PCDHA1: variants seen among roughly 807,000 people sequenced by gnomAD.
PCDHA1 encodes the protein protocadherin alpha-1.
Under a neutral mutation model 61.3 loss-of-function variants are expected in PCDHA1, and 42 were observed. The observed-to-expected ratio is 0.69, with a 90% CI of 0.54 to 0.89. The LOEUF (loss-of-function observed/expected upper bound fraction) is 0.89. Ranked by LOEUF, PCDHA1 falls within the 40% of genes least tolerant of loss-of-function variation. The pLI is 0.00. For missense variants in PCDHA1, 1,256 were observed against 1,235.3 expected (o/e 1.02, Z -0.25); for synonymous variants, 610 against 553.8 (o/e 1.10, Z -1.43).
chr5:140,870,722 G>A (rs1554164638), intron 1 of PCDHA1: 2 of 1,613,222 alleles, frequency 1.2e-6, no homozygotes, highest in East Asian at 2.2e-5. Context: ...CGCGATGCGG[G>A]CGTGCCGCCT....
intron 1 of PCDHA1, chr5:140,870,813 C>T (rs568167153): frequency 1.2e-6 from 2 of 1,613,702 alleles, no homozygotes; most frequent in South Asian, 1.1e-5. Flanking sequence ...CTCAGGCTGG[C>T]AGCGCGGGAG....
intron 1 of PCDHA1, chr5:140,835,610 G>A (rs2150239462): frequency 1.9e-6 from 3 of 1,613,948 alleles, no homozygotes; most frequent in Non-Finnish European, 2.5e-6. Context: ...CATTGGTGCT[G>A]GACAGCGCTC....
chr5:140,916,956 C>T (rs1554197714), intron 1 of PCDHA1, among the ~76,000 whole-genome samples: 1 of 152,220 alleles, frequency 6.6e-6, no homozygotes, highest in Non-Finnish European at 1.5e-5. Flanking sequence ...TTGCTGAGTT[C>T]TGACTGCTGG....
At chr5:140,795,048 C>G in intron 1 of PCDHA1, 5 of 1,613,822 alleles carry the variant, frequency 3.1e-6, no homozygotes, top group Non-Finnish European at 4.2e-6. Context: ...AGGTGGGGAG[C>G]GGCCAGCTCC....
chr5:141,006,206 A>AT (rs1178693799), intron 3 of PCDHA1, among the ~76,000 whole-genome samples: 16 of 147,954 alleles, frequency 1.1e-4, no homozygotes, highest in East Asian at 5.9e-4. Context: ...GTTATGCCTC[A>AT]TTTTTTTTTA....
intron 1 of PCDHA1, among the ~76,000 whole-genome samples, chr5:140,911,719 G>C (rs1184939092): frequency 6.6e-6 from 1 of 151,412 alleles, no homozygotes; most frequent in African/African-American, 2.5e-5. Context: ...GTGTAACTCT[G>C]TAAACAGTTC....
intron 1 of PCDHA1, chr5:140,834,400 G>A: frequency 1.2e-6 from 2 of 1,605,520 alleles, no homozygotes; most frequent in Non-Finnish European, 8.5e-7. Flanking sequence ...TGCCCGAATG[G>A]ATACGACCCA....
At chr5:140,857,293 G>A (rs1554149807) in intron 1 of PCDHA1, 1 of 1,598,774 alleles carries the variant, frequency 6.3e-7, no homozygotes, top group Admixed American at 1.7e-5. Flanking sequence ...TGGACCGCGA[G>A]AGGGTGTCGG....
At chr5:140,967,789 T>A (rs782032459) in intron 1 of PCDHA1, 2 of 1,614,076 alleles carry the variant, frequency 1.2e-6, no homozygotes, top group Non-Finnish European at 1.7e-6. Context: ...CTGACCGGGG[T>A]CCAGTGCCCA....
chr5:140,836,238 A>C (rs1774313279), intron 1 of PCDHA1: 1 of 1,613,700 alleles, frequency 6.2e-7, no homozygotes, highest in Admixed American at 1.7e-5. Context: ...GGCCGGTGCG[A>C]GCATCCCGTT....
intron 1 of PCDHA1, chr5:140,823,539 C>A (rs2150126772): frequency 2.5e-6 from 4 of 1,613,710 alleles, no homozygotes; most frequent in African/African-American, 2.7e-5. Flanking sequence ...GTGCGGGCCA[C>A]GTGGTGGCGA....
At chr5:140,792,795 G>T (rs946380168) in intron 1 of PCDHA1, among the ~76,000 whole-genome samples, 6 of 152,054 alleles carry the variant, frequency 3.9e-5, no homozygotes, top group African/African-American at 7.2e-5. Flanking sequence ...ATAATTACTG[G>T]GTATCATACA....
In PCDHA1 at chr5:140,807,584, T is replaced by A. The variant is rs76522243; in HGVS notation, c.2394+18900T>A. On this transcript the variant is annotated intron_variant, in intron 1 of 3. Transcript: ENST00000504120. ...GGACATTAACGATAACCCGCCGGTGTTCCCAGCAACACAAAAGAACCTGTC... is the reference window on the plus strand; with the variant it reads ...GGACATTAACGATAACCCGCCGGTGATCCCAGCAACACAAAAGAACCTGTC... 283 of 1,614,132 alleles carry A rather than the reference T, an allele frequency of 1.8e-4. No individual in the cohort carries two copies. The African/African-American group carries it at 2.4e-3, about 14-fold the overall frequency.
intron 1 of PCDHA1, among the ~76,000 whole-genome samples, chr5:140,893,927 T>C (rs1251170255): frequency 1.3e-5 from 2 of 152,212 alleles, no homozygotes; most frequent in Non-Finnish European, 2.9e-5. Flanking sequence ...TTTCAGAATC[T>C]CTACCTGTTA....
At chr5:140,962,676 G>C (rs1201696145) in intron 1 of PCDHA1, among the ~76,000 whole-genome samples, 1 of 152,126 alleles carries the variant, frequency 6.6e-6, no homozygotes, top group Non-Finnish European at 1.5e-5. Context: ...CCATCCACTG[G>C]ATGTTTTATC....
At chr5:140,989,317 C>G (rs184467267) in intron 3 of PCDHA1, among the ~76,000 whole-genome samples, 2 of 152,126 alleles carry the variant, frequency 1.3e-5, no homozygotes, top group Non-Finnish European at 2.9e-5. Context: ...TAGGGTCTCA[C>G]CAACTTTGCC....
intron 1 of PCDHA1, among the ~76,000 whole-genome samples, chr5:140,878,493 C>A (rs1339637878): frequency 6.6e-6 from 1 of 152,008 alleles, no homozygotes; most frequent in Non-Finnish European, 1.5e-5. Context: ...AATATTTAAC[C>A]ATCTGTACGA....
At chr5:140,834,853 C>T in intron 1 of PCDHA1, 1 of 1,610,524 alleles carries the variant, frequency 6.2e-7, no homozygotes, top group Non-Finnish European at 8.5e-7. Flanking sequence ...CTAGAGGGCG[C>T]GTCCGATGCA....
At chr5:140,839,304 A>G (rs1554137374) in intron 1 of PCDHA1, among the ~76,000 whole-genome samples, 1 of 152,048 alleles carries the variant, frequency 6.6e-6, no homozygotes, top group Non-Finnish European at 1.5e-5. Flanking sequence ...AGTTTTAAAT[A>G]TCCTATTTAT....
Sources: allele counts gnomAD v4.1 joint callset (sites outside exome capture counted in the v4.1 genomes callset), GRCh38; gene constraint gnomAD v4.1.1; transcripts MANE v1.5; gene names NCBI Gene and HGNC (gene_info 2026-07-23, HGNC 2026-07-21).